SEMA4D: variants seen among roughly 807,000 people sequenced by gnomAD.
SEMA4D encodes semaphorin 4D, also known as semaphorin-4D.
SEMA4D carries 22 observed loss-of-function variants against 74.8 expected under a neutral mutation model. That is an observed-to-expected ratio of 0.29 (90% CI 0.21 to 0.42). The LOEUF (loss-of-function observed/expected upper bound fraction) is 0.42. Among genes scored for constraint, SEMA4D ranks in the 10% least tolerant of loss-of-function variants. The probability of loss-of-function intolerance (pLI) is 1.00; values close to 1 mark genes in which losing one functional copy is unlikely to be tolerated. For synonymous variants in SEMA4D, 445 were observed against 463.7 expected, an observed-to-expected ratio of 0.96 and a Z score of 0.52; for missense variants, 937 against 1,118.4, an observed-to-expected ratio of 0.84 and a Z score of 2.31.
chr9:89,371,123 T>A (rs535136425), intron 16 of SEMA4D, among the ~76,000 whole-genome samples: 4 of 32,744 alleles, frequency 1.2e-4, no homozygotes, highest in African/African-American at 5.4e-4. Context: ...GGGGGTGTGG[T>A]GTGTATGTCT....
intron 13 of SEMA4D, among the ~76,000 whole-genome samples, chr9:89,384,372 G>C (rs1837921817): frequency 2.0e-5 from 3 of 152,202 alleles, no homozygotes. Context: ...AGGACTTTAT[G>C]TTAAGTGAAA....
chr9:89,479,183 G>A (rs932964364), intron 1 of SEMA4D, among the ~76,000 whole-genome samples: 4 of 152,152 alleles, frequency 2.6e-5, no homozygotes, highest in South Asian at 2.1e-4. Flanking sequence ...CCAGCATCCT[G>A]GTGAACAATG....
intron 13 of SEMA4D, chr9:89,386,079 G>A (rs1838402952): frequency 1.0e-6 from 1 of 985,418 alleles, no homozygotes. Context: ...TCATGGAGCA[G>A]TGCCCACCTC....
intron 2 of SEMA4D, among the ~76,000 whole-genome samples, chr9:89,424,015 C>T (rs1308232224): frequency 6.7e-6 from 1 of 149,950 alleles, no homozygotes; most frequent in Non-Finnish European, 1.5e-5. Flanking sequence ...TCCCTCCCTA[C>T]TCCCTCAGTA....
intron 16 of SEMA4D, chr9:89,364,032 C>G (rs765960446): frequency 6.2e-7 from 1 of 1,611,012 alleles, no homozygotes; most frequent in Non-Finnish European, 8.5e-7. Context: ...GGGGGGTTAC[C>G]TCTGCTGTCC....
intron 11 of SEMA4D, 145 bp from the exon 12 acceptor site, chr9:89,387,753 T>C: frequency 1.5e-6 from 1 of 670,372 alleles, no homozygotes; most frequent in Non-Finnish European, 2.6e-6. Flanking sequence ...AGTGAATAAC[T>C]TTACTATGAG....
At position 89,377,380 on chromosome 9, in the gene SEMA4D, CCA is replaced by C. The variant is rs1414118036; in HGVS notation, c.*1322_*1323del. The C allele has an allele frequency of 1.3e-5, 3 of 222,820 alleles. No homozygotes were observed. The highest frequency in any genetic ancestry group is 6.8e-5 in the African/African-American group (3 of 44,002). The allele number at this position is 222,820 out of a possible 1,614,324, so 13.8% of individuals were successfully genotyped here. A position where few individuals can be genotyped will look rare whatever the true frequency, so the allele number is the denominator to read the frequency against. On this transcript the variant is annotated 3_prime_UTR_variant, in exon 16 of 16. Coordinates refer to ENST00000422704, the MANE Select transcript of SEMA4D (RefSeq NM_001371194.2). ...CTATCATGCTGGAAGATAAGACTGT[CCA>C]CACACGCGCACAAACATCCAGAGTT...
chr9:89,387,275 C>A, intron 12 of SEMA4D, 111 bp downstream of exon 12: 1 of 901,166 alleles, frequency 1.1e-6, no homozygotes, highest in Non-Finnish European at 1.7e-6. Flanking sequence ...CAGGTCACCT[C>A]GAGGGAGGCA....
intron 1 of SEMA4D, among the ~76,000 whole-genome samples, chr9:89,461,851 C>A (rs929420430): frequency 6.6e-6 from 1 of 151,718 alleles, no homozygotes; most frequent in African/African-American, 2.4e-5. Context: ...TACAGGCGTG[C>A]GCCACTACGC....
chr9:89,436,742 G>A (rs1850505624), intron 2 of SEMA4D, among the ~76,000 whole-genome samples: 1 of 152,260 alleles, frequency 6.6e-6, no homozygotes, highest in Admixed American at 6.5e-5. Context: ...GAGGGTGTGG[G>A]GGGTTGCGGC....
intron 1 of SEMA4D, among the ~76,000 whole-genome samples, chr9:89,457,866 T>C (rs1289111133): frequency 2.0e-5 from 3 of 150,546 alleles, no homozygotes; most frequent in Non-Finnish European, 4.4e-5. Flanking sequence ...ACCCCATCTC[T>C]ACTAAAAATA....
intron 2 of SEMA4D, among the ~76,000 whole-genome samples, chr9:89,426,615 G>A (rs72748988): frequency 1.1e-4 from 16 of 152,234 alleles, no homozygotes; most frequent in South Asian, 6.2e-4. Flanking sequence ...GTCAGTTCCC[G>A]TCTCAGTACT....
chr9:89,454,898 G>A (rs1855562154), intron 2 of SEMA4D, among the ~76,000 whole-genome samples: 1 of 152,250 alleles, frequency 6.6e-6, no homozygotes, highest in Non-Finnish European at 1.5e-5. Flanking sequence ...CACGGGTGAG[G>A]AAGCCCCGCC....
intron 18 of SEMA4D, among the ~76,000 whole-genome samples, chr9:89,362,878 C>T (rs950622382): frequency 6.6e-6 from 1 of 152,180 alleles, no homozygotes; most frequent in African/African-American, 2.4e-5. Flanking sequence ...ATTTAGGAGC[C>T]GGGGCTGGAC....
intron 8 of SEMA4D, among the ~76,000 whole-genome samples, chr9:89,391,630 G>A (rs141776239): frequency 4.0e-4 from 61 of 152,266 alleles, no homozygotes; most frequent in African/African-American, 1.3e-3. Context: ...CCACCTCCTC[G>A]GCCTCAGAGA....
chr9:89,405,229 C>T, intron 3 of SEMA4D, 122 bp downstream of exon 3: 1 of 805,154 alleles, frequency 1.2e-6, no homozygotes, highest in Non-Finnish European at 2.1e-6. Flanking sequence ...CGTTCCCAGC[C>T]ACCCGCCTCA....
At chr9:89,392,901 AT>A (rs1453562454) in intron 7 of SEMA4D, among the ~76,000 whole-genome samples, 1 of 151,910 alleles carries the variant, frequency 6.6e-6, no homozygotes, top group Non-Finnish European at 1.5e-5. Context: ...TAATTTTTAC[AT>A]TTTTTGGTAG....
At chr9:89,372,852 C>G (rs1166008872), downstream of SEMA4D, among the ~76,000 whole-genome samples, 24 of 152,078 alleles carry the variant, frequency 1.6e-4, 1 homozygote, top group Non-Finnish European at 1.5e-5. Flanking sequence ...CCAGGGCCTT[C>G]TCAGGACCGT....
At chr9:89,415,018 G>A (rs113407448) in intron 2 of SEMA4D, among the ~76,000 whole-genome samples, 2,013 of 152,312 alleles carry the variant, frequency 0.013, 39 homozygotes, top group African/African-American at 0.046. Flanking sequence ...CAGGACAAGC[G>A]CTATGAGGAT....
Sources: allele counts gnomAD v4.1 joint callset (sites outside exome capture counted in the v4.1 genomes callset), GRCh38; gene constraint gnomAD v4.1.1; transcripts MANE v1.5; gene names NCBI Gene and HGNC (gene_info 2026-07-23, HGNC 2026-07-21).